Variants in EYS observed in about 807,000 individuals in gnomAD.
EYS encodes the protein protein eyes shut homolog.
In EYS, 250 loss-of-function variants were observed where a neutral mutation model predicts 282.1. That is an observed-to-expected ratio of 0.89 (90% CI 0.80 to 0.98). EYS has a LOEUF of 0.98. EYS is among the 50% of genes least tolerant of loss of function. The pLI, the probability that EYS is intolerant of heterozygous loss-of-function variation, is 0.00. For synonymous variants in EYS, 1,355 were observed against 1,282.9 expected (o/e 1.06, Z -1.20); for missense variants, 4,016 against 3,709.0 (o/e 1.08, Z -2.15).
At chr6:65,021,990 C>T (rs1404276105) in intron 13 of EYS, among the ~76,000 whole-genome samples, 1 of 152,194 alleles carries the variant, frequency 6.6e-6, no homozygotes, top group African/African-American at 2.4e-5. Context: ...AATTACCTCC[C>T]ACTGGGTCCC....
chr6:65,560,327 CAT>C (rs35591474), intron 2 of EYS, among the ~76,000 whole-genome samples: 7 of 122,644 alleles, frequency 5.7e-5, no homozygotes, highest in Non-Finnish European at 9.2e-5. Flanking sequence ...ATTAATATAA[CAT>C]ATAATATGTT....
At chr6:64,890,780 G>T (rs894303095) in intron 18 of EYS, among the ~76,000 whole-genome samples, 2 of 152,018 alleles carry the variant, frequency 1.3e-5, no homozygotes, top group Non-Finnish European at 2.9e-5. Flanking sequence ...ACTTATGGAA[G>T]TTTATTTTTC....
intron 31 of EYS, among the ~76,000 whole-genome samples, chr6:64,152,676 T>C (rs991378954): frequency 6.6e-6 from 1 of 152,196 alleles, no homozygotes; most frequent in Admixed American, 6.5e-5. Context: ...TGTCATTTCT[T>C]GCTAAGACTT....
At chr6:64,010,816 T>C (rs1768585140) in intron 33 of EYS, among the ~76,000 whole-genome samples, 1 of 152,158 alleles carries the variant, frequency 6.6e-6, no homozygotes, top group Admixed American at 6.5e-5. Flanking sequence ...ATACTGGAAA[T>C]ATTCACAGGT....
intron 35 of EYS, among the ~76,000 whole-genome samples, chr6:63,912,571 C>T (rs1042138564): frequency 8.5e-5 from 13 of 152,126 alleles, no homozygotes; most frequent in Non-Finnish European, 1.8e-4. Flanking sequence ...TTAATAGTTG[C>T]ATCAGTGATA....
intron 36 of EYS, among the ~76,000 whole-genome samples, chr6:63,849,566 G>C (rs1772188095): frequency 6.6e-6 from 1 of 152,166 alleles, no homozygotes; most frequent in Non-Finnish European, 1.5e-5. Flanking sequence ...AACCGCAGCA[G>C]ACCTGCAGAA....
At chr6:64,324,533 G>A (rs1273587993) in intron 29 of EYS, among the ~76,000 whole-genome samples, 1 of 152,118 alleles carries the variant, frequency 6.6e-6, no homozygotes, top group Admixed American at 6.6e-5. Flanking sequence ...TATACTGAAT[G>A]GGCAAAAGCT....
intron 12 of EYS, among the ~76,000 whole-genome samples, chr6:65,063,364 G>T (rs753261648): frequency 1.3e-5 from 2 of 151,854 alleles, no homozygotes; most frequent in Non-Finnish European, 2.9e-5. Context: ...CTAAACAAAA[G>T]TCTTACTTTA....
intron 35 of EYS, among the ~76,000 whole-genome samples, chr6:63,923,958 T>C (rs1186464006): frequency 1.3e-5 from 2 of 152,202 alleles, no homozygotes; most frequent in East Asian, 1.9e-4. Context: ...TAGAATCTGA[T>C]TGGTCAATAA....
chr6:65,480,282 C>T (rs1394335057), intron 5 of EYS, among the ~76,000 whole-genome samples: 1 of 152,196 alleles, frequency 6.6e-6, no homozygotes, highest in South Asian at 2.1e-4. Flanking sequence ...AGTTTTTCTA[C>T]ATATCACTAA....
At chr6:65,478,975 G>A (rs1562209494) in intron 5 of EYS, among the ~76,000 whole-genome samples, 1 of 152,066 alleles carries the variant, frequency 6.6e-6, no homozygotes, top group African/African-American at 2.4e-5. Context: ...AGTAAACTCA[G>A]AAATTTATCC....
At chr6:65,039,416 G>A (rs1583424646) in intron 13 of EYS, among the ~76,000 whole-genome samples, 2 of 151,002 alleles carry the variant, frequency 1.3e-5, no homozygotes. Context: ...AAATCAGATG[G>A]TACAATTTGT....
Position 64,372,130 on chromosome 6 carries a change from G to GTTTTTTTTTTTTTTTTTT in EYS, c.6078+16542_6078+16559dup, listed in dbSNP as rs201498090. ...TAGCATCACTGGTCTGTATACTTGT[G>GTTTTTTTTTTTTTTTTTT]TTTTTTTTTTTTTTTTTTTTTTTTT... is the stretch of plus-strand genomic sequence containing the variant. On this transcript the variant is annotated intron_variant, in intron 29 of 42. Coordinates refer to ENST00000503581, the MANE Select transcript of EYS (RefSeq NM_001142800.2). Among the ~76,000 whole-genome samples, 58 of 97,702 alleles carry GTTTTTTTTTTTTTTTTTT rather than the reference G, an allele frequency of 5.9e-4. 3 individuals are homozygous for GTTTTTTTTTTTTTTTTTT. The highest frequency in any genetic ancestry group is 1.5e-3 in the African/African-American group (31 of 21,238). The allele number at this position is 97,702 out of a possible 152,430, so 64.1% of individuals were successfully genotyped here. A position where few individuals can be genotyped will look rare whatever the true frequency, so the allele number is the denominator to read the frequency against.
At chr6:65,524,033 T>C (rs1582413249) in intron 2 of EYS, among the ~76,000 whole-genome samples, 1 of 151,986 alleles carries the variant, frequency 6.6e-6, no homozygotes, top group Non-Finnish European at 1.5e-5. Context: ...CACCACGCCC[T>C]GCTAATTTTT....
chr6:65,541,928 G>C (rs188448508), intron 2 of EYS, among the ~76,000 whole-genome samples: 71 of 152,190 alleles, frequency 4.7e-4, no homozygotes, highest in Non-Finnish European at 9.0e-4. Context: ...TGGGAACCTG[G>C]AATGATAGAA....
At chr6:65,390,612 G>C (rs1259831114) in intron 7 of EYS, among the ~76,000 whole-genome samples, 1 of 151,982 alleles carries the variant, frequency 6.6e-6, no homozygotes, top group Non-Finnish European at 1.5e-5. Context: ...GGCTGGGCAT[G>C]GTGGCTTATA....
intron 1 of EYS, among the ~76,000 whole-genome samples, chr6:65,682,764 G>A (rs1768880815): frequency 1.3e-5 from 2 of 151,806 alleles, no homozygotes; most frequent in African/African-American, 2.4e-5. Context: ...TTCAAGAGGT[G>A]ATGCTAAATT....
intron 5 of EYS, among the ~76,000 whole-genome samples, chr6:65,415,513 A>C (rs910490383): frequency 1.3e-5 from 2 of 152,094 alleles, no homozygotes; most frequent in East Asian, 3.9e-4. Flanking sequence ...ATTGATAATG[A>C]ATGCAATAAA....
intron 8 of EYS, among the ~76,000 whole-genome samples, chr6:65,364,705 G>T (rs950514790): frequency 6.6e-5 from 10 of 151,482 alleles, no homozygotes; most frequent in African/African-American, 2.4e-4. Context: ...TTAAAGTTCA[G>T]CTCCTTCTCC....
Sources: allele counts gnomAD v4.1 joint callset (sites outside exome capture counted in the v4.1 genomes callset), GRCh38; gene constraint gnomAD v4.1.1; transcripts MANE v1.5; gene names NCBI Gene and HGNC (gene_info 2026-07-23, HGNC 2026-07-21).